Variants in KRT76 observed in about 807,000 individuals in gnomAD.
The protein encoded by KRT76 is keratin 76, also known as keratin, type II cytoskeletal 2 oral.
In KRT76, 47 loss-of-function variants were observed where a neutral mutation model predicts 44.9. The ratio of observed to expected loss-of-function variants is 1.05; its 90% CI spans 0.83 to 1.33. The LOEUF is 1.33. Ranked by LOEUF, KRT76 falls within the 40% of genes most tolerant of loss-of-function variation. The pLI, the probability that KRT76 is intolerant of heterozygous loss-of-function variation, is 0.00. For missense variants in KRT76, 860 were observed against 775.8 expected (o/e 1.11, Z -1.29); for synonymous variants, 331 against 294.1 (o/e 1.13, Z -1.28).
intron 6 of KRT76, 84 bp from the exon 7 acceptor site, chr12:52,771,303 G>T: frequency 7.8e-7 from 1 of 1,289,922 alleles, no homozygotes; most frequent in Non-Finnish European, 1.1e-6. Flanking sequence ...CCCACATCCT[G>T]CATCCCTTCC....
intron 1 of KRT76, 106 bp from the exon 2 acceptor site, chr12:52,775,708 C>T (rs890729875): frequency 6.1e-6 from 5 of 818,794 alleles, no homozygotes; most frequent in African/African-American, 1.7e-5. Context: ...CTTCAATCTA[C>T]AATTTCCCCT....
At chr12:52,772,713 C>T (rs1341483271) in intron 4 of KRT76, 70 bp downstream of exon 4, 20 of 1,101,158 alleles carry the variant, frequency 1.8e-5, no homozygotes, top group Admixed American at 1.2e-4. Context: ...TGCTGTTTGG[C>T]TGTCCCCTAA....
chr12:52,775,405 C>T lies in KRT76; in HGVS notation c.798G>A (p.Val266=). 1 of 1,614,178 alleles carries T rather than the reference C, an allele frequency of 6.2e-7. No individual in the cohort carries two copies. The highest frequency in any genetic ancestry group is 8.5e-7 in the Non-Finnish European group (1 of 1,180,000). ...GCCCTCACTTCTTTTTGAAGTCTTC[C>T]ACCAGGTCCTGCATGCTTTTCAGCT... The part of the protein sequence containing the change: ...EGELKSMQDL[V]EDFKKKYEDE... Residue 266 remains valine (V), a synonymous_variant, in exon 2 of 9, where the codon GTG becomes GTA. Coordinates refer to ENST00000332411, the MANE Select transcript of KRT76 (RefSeq NM_015848.4).
chr12:52,774,424 A>G (rs932548360), intron 2 of KRT76, among the ~76,000 whole-genome samples: 3 of 152,286 alleles, frequency 2.0e-5, no homozygotes, highest in African/African-American at 7.2e-5. Flanking sequence ...GTTTTCCTTC[A>G]TTACAGTTAC....
chr12:52,769,580 C>T lies in KRT76; in HGVS notation c.1488G>A (p.Met496Ile). The change falls in exon 8 of 9, where the codon ATG becomes ATA. Residue 496 changes from methionine to isoleucine, a missense_variant. Transcript: ENST00000332411. ...ACACGGCACTCTGACATTCTCCAGA[C>T]ATCCTGAAAAGGAAGAGGAGAGGTG... ...RKLLEGEECRMSGECQSAVCI... is the reference protein window; with the variant it reads ...RKLLEGEECRISGECQSAVCI... The T allele has an allele frequency of 6.2e-7, 1 of 1,613,754 alleles. No individual in the cohort carries two copies. Among genetic ancestry groups the T allele is most frequent in the South Asian group, 1.1e-5 (1 of 91,068 alleles).
In KRT76 at chr12:52,771,961, C is replaced by T; in HGVS notation, c.1173G>A (p.Gly391=). 6.2e-7 allele frequency: 1 copy of T among 1,614,100 alleles called. No individual in the cohort carries two copies. Among genetic ancestry groups the T allele is most frequent in the South Asian group, 1.1e-5 (1 of 91,046 alleles). The change falls in exon 6 of 9, where the codon GGG becomes GGA. Residue 391 remains glycine, a synonymous_variant. Coordinates refer to ENST00000332411, the MANE Select transcript of KRT76 (RefSeq NM_015848.4). ...CACTCTTGGTGTTCCTCAGGTCATC[C>T]CCATGCCTGCCAGCTGTGGTCTGCA... ...GELQTTAGRH[G]DDLRNTKSEI... is the part of the protein sequence containing the mutation.
At chr12:52,770,922 C>A in intron 7 of KRT76, 77 bp downstream of exon 7, 1 of 1,582,938 alleles carries the variant, frequency 6.3e-7, no homozygotes. Context: ...CTCTCCTTAT[C>A]ATCTTGCCCC....
Position 52,771,833 on chromosome 12 carries a change from G to A in KRT76, c.1263+38C>T, listed in dbSNP as rs1178444218. On this transcript the variant is annotated intron_variant, in intron 6 of 8. Coordinates refer to ENST00000332411, the MANE Select transcript of KRT76 (RefSeq NM_015848.4). The stretch of plus-strand genomic sequence containing the variant: ...TTATGCTGCTTCTCTCCGGGGCCCA[G>A]AAGACCTCTGGGATCTCTCCGTTAA... 3.1e-6 allele frequency: 5 copies of A among 1,599,096 alleles called. No homozygotes were observed. The East Asian group carries it at 1.1e-4, about 36-fold the overall frequency.
At chr12:52,770,743 G>T (rs1421250510) in intron 7 of KRT76, among the ~76,000 whole-genome samples, 1 of 152,106 alleles carries the variant, frequency 6.6e-6, no homozygotes, top group Non-Finnish European at 1.5e-5. Flanking sequence ...TAATGCCAAA[G>T]AACTTTCCTC....
chr12:52,776,072 A>T (rs1293417871), intron 1 of KRT76, among the ~76,000 whole-genome samples: 1 of 150,696 alleles, frequency 6.6e-6, no homozygotes, highest in Non-Finnish European at 1.5e-5. Flanking sequence ...GAATACAGTC[A>T]ATGAGGTCTA....
At position 52,777,337 on chromosome 12, in the gene KRT76, G is replaced by A. The variant is rs375830947; in HGVS notation, c.-46C>T. On this transcript the variant is annotated 5_prime_UTR_variant, in exon 1 of 9. Transcript: ENST00000332411. The stretch of plus-strand genomic sequence containing the variant: ...AGCTAGTGATCACTTAGCAAGAGCT[G>A]AGAGGGATAGGGACAAGAGAGGAGA... 6.2e-7 allele frequency: 1 copy of A among 1,610,122 alleles called. No homozygotes were observed. Among genetic ancestry groups the A allele is most frequent in the East Asian group, 2.2e-5 (1 of 44,824 alleles).
At chr12:52,772,964 T>C (rs1939209198) in intron 3 of KRT76, 86 bp from the exon 4 acceptor site, 1 of 884,128 alleles carries the variant, frequency 1.1e-6, no homozygotes, top group Admixed American at 1.8e-5. Context: ...TGTCTCGTCT[T>C]TGTTCCGCCC....
chr12:52,774,865 C>G (rs974155619), intron 2 of KRT76, among the ~76,000 whole-genome samples: 2 of 152,190 alleles, frequency 1.3e-5, no homozygotes, highest in Admixed American at 1.3e-4. Context: ...TGGACTGCAA[C>G]TTGGAACGTG....
In KRT76 at chr12:52,772,153, GGGCGCGGACCTC is replaced by G. The variant is rs770706214; in HGVS notation, c.1066_1077del (p.Glu356_Ala359del). The G allele has an allele frequency of 1.3e-5, 21 of 1,613,624 alleles. No homozygotes were observed. Among genetic ancestry groups the G allele is most frequent in the Non-Finnish European group, 1.8e-5 (21 of 1,179,762 alleles). ...CTCCTCTGGGCAATCTCCTCATACT[GGGCGCGGACCTC>G]GGCAATGATGCTGCCCAGGTCCAGG... On this transcript the variant is annotated inframe_deletion, in exon 5 of 9. Coordinates refer to ENST00000332411, the MANE Select transcript of KRT76 (RefSeq NM_015848.4).
In KRT76 at chr12:52,776,899, A is replaced by G; in HGVS notation, c.393T>C (p.Pro131=). 6.2e-7 allele frequency: 1 copy of G among 1,612,386 alleles called. No homozygotes were observed. Among genetic ancestry groups the G allele is most frequent in the Non-Finnish European group, 8.5e-7 (1 of 1,179,078 alleles). The stretch of plus-strand genomic sequence containing the variant: ...AGCTGCCAGGCCCACCAAATACACC[A>G]GGACCACCAAAGCCACCAGCTCCAC... The part of the protein sequence containing the change: ...GFGGAGGFGG[P]GVFGGPGSFG... Residue 131 remains proline (P), a synonymous_variant, in exon 1 of 9, where the codon CCT becomes CCC. Coordinates refer to ENST00000332411, the MANE Select transcript of KRT76 (RefSeq NM_015848.4).
chr12:52,768,858 A>ATGC lies in KRT76; in HGVS notation c.1769_1771dup (p.Ser590dup), dbSNP rs1939132566. On this transcript the variant is annotated inframe_insertion, in exon 9 of 9. Transcript: ENST00000332411. Reference sequence around the variant, plus strand: ...GCCCATTCCACTGTGGCTCACGGAGATGCTACCTGCACCGCCGAGCCTGCT... The same window carrying ATGC: ...GCCCATTCCACTGTGGCTCACGGAGATGCTGCTACCTGCACCGCCGAGCCTGCT... 1.2e-6 allele frequency: 2 copies of ATGC among 1,613,644 alleles called. No homozygotes were observed. The highest frequency in any genetic ancestry group is 4.5e-5 in the East Asian group (2 of 44,860).
Position 52,768,989 on chromosome 12 carries a change from ACTG to A in KRT76, c.1638_1640del (p.Ser547del), listed in dbSNP as rs752726751. On this transcript the variant is annotated inframe_deletion, in exon 9 of 9. Transcript: ENST00000332411. ...CGCTGCCGCCACTGACTCCATAGCC[ACTG>A]CTGCTGCTGCTGCTGCTGCCGCCTT... 31 of 988,244 alleles carry A rather than the reference ACTG, an allele frequency of 3.1e-5. No individual in the cohort carries two copies. The highest frequency in any genetic ancestry group is 2.1e-4 in the Middle Eastern group (1 of 4,824). The allele number at this position is 988,244 out of a possible 1,614,324, so 61.2% of individuals were successfully genotyped here. A position where few individuals can be genotyped will look rare whatever the true frequency, so the allele number is the denominator to read the frequency against.
chr12:52,769,649 A>T, intron 7 of KRT76, 66 bp from the exon 8 acceptor site: 6 of 1,452,444 alleles, frequency 4.1e-6, no homozygotes, highest in Non-Finnish European at 5.8e-6. Context: ...TTGAGAGTTC[A>T]CAACTTTGGG....
Position 52,777,117 on chromosome 12 carries a change from A to C in KRT76, c.175T>G (p.Tyr59Asp), listed in dbSNP as rs369803234. Residue 59 changes from tyrosine to aspartate, a missense_variant, in exon 1 of 9, where the codon TAC (tyrosine) becomes GAC (aspartate). By Grantham distance (160) the Tyr-to-Asp change is radical. Coordinates refer to ENST00000332411, the MANE Select transcript of KRT76 (RefSeq NM_015848.4). ...GAGSFGSRSL[Y>D]NLGSNKSISI... ...ATGCTCTTGTTGCTGCCCAGGTTGT[A>C]GAGGCTGCGACTGCCAAAGCTGCCT... is the stretch of plus-strand genomic sequence containing the variant. 2.5e-6 allele frequency: 4 copies of C among 1,614,204 alleles called. No homozygotes were observed. In the African/African-American group the frequency reaches 5.3e-5, roughly 22 times the overall value.
Sources: allele counts gnomAD v4.1 joint callset (sites outside exome capture counted in the v4.1 genomes callset), GRCh38; gene constraint gnomAD v4.1.1; transcripts MANE v1.5; gene names NCBI Gene and HGNC (gene_info 2026-07-23, HGNC 2026-07-21).